Variants in SIK3 observed in about 807,000 individuals in gnomAD.
SIK3 encodes the protein serine/threonine-protein kinase SIK3.
A neutral mutation model predicts 144.2 loss-of-function variants in SIK3; 28 were observed. The observed-to-expected ratio is 0.19, with a 90% confidence interval of 0.14 to 0.27. The LOEUF (loss-of-function observed/expected upper bound fraction) is 0.27, where lower values mean the gene tolerates loss of function less well. Ranked by LOEUF, SIK3 falls within the 10% of genes least tolerant of loss-of-function variation. SIK3 has a pLI of 1.00. For synonymous variants in SIK3, 686 were observed against 676.3 expected (o/e 1.01, Z -0.22); for missense variants, 1,319 against 1,776.0 (o/e 0.74, Z 4.62).
At chr11:117,007,725 T>G (rs1329522458) in intron 1 of SIK3, among the ~76,000 whole-genome samples, 1 of 152,230 alleles carries the variant, frequency 6.6e-6, no homozygotes, top group Admixed American at 6.5e-5. Context: ...TGACATTAGA[T>G]GAACTGTAAG....
chr11:116,967,051 T>C (rs1949582437), intron 1 of SIK3, among the ~76,000 whole-genome samples: 1 of 148,800 alleles, frequency 6.7e-6, no homozygotes, highest in Non-Finnish European at 1.5e-5. Flanking sequence ...AAAAAGAAAC[T>C]TTAGTCCCAG....
chr11:117,047,324 T>TTC, intron 1 of SIK3, among the ~76,000 whole-genome samples: 1 of 152,292 alleles, frequency 6.6e-6, no homozygotes, highest in Non-Finnish European at 1.5e-5. Context: ...ATCCCTTTGT[T>TTC]AGAATCCTGG....
intron 7 of SIK3, 61 bp downstream of exon 7, chr11:116,876,863 A>G: frequency 7.3e-7 from 1 of 1,366,448 alleles, no homozygotes; most frequent in East Asian, 2.3e-5. Context: ...TTACAATCAC[A>G]TGCAAAGGAG....
chr11:116,898,410 T>C (rs1854070138), intron 4 of SIK3, among the ~76,000 whole-genome samples: 1 of 151,850 alleles, frequency 6.6e-6, no homozygotes, highest in Non-Finnish European at 1.5e-5. Context: ...GTCTTTGCTA[T>C]TGTGAATAGT....
intron 1 of SIK3, among the ~76,000 whole-genome samples, chr11:117,020,265 A>G (rs1328111072): frequency 6.6e-6 from 1 of 151,244 alleles, no homozygotes; most frequent in Non-Finnish European, 1.5e-5. Flanking sequence ...ATATATCTCC[A>G]TGGTTCCTGG....
At chr11:116,866,032 T>G (rs1210141177) in intron 15 of SIK3, among the ~76,000 whole-genome samples, 1 of 152,154 alleles carries the variant, frequency 6.6e-6, no homozygotes, top group East Asian at 1.9e-4. Context: ...AGCAGATAGA[T>G]TTCCAGCAGG....
chr11:116,974,122 G>A (rs1359539873), intron 1 of SIK3, among the ~76,000 whole-genome samples: 1 of 152,214 alleles, frequency 6.6e-6, no homozygotes, highest in East Asian at 1.9e-4. Flanking sequence ...TGGGACCTCT[G>A]TACTGTATCT....
intron 1 of SIK3, among the ~76,000 whole-genome samples, chr11:117,071,928 G>GTTTA (rs1954299998): frequency 6.6e-6 from 1 of 150,974 alleles, no homozygotes; most frequent in East Asian, 1.9e-4. Context: ...CAAGAGTTGT[G>GTTTA]TTTGTTTGTT....
At chr11:117,055,797 T>C (rs1342793884) in intron 1 of SIK3, among the ~76,000 whole-genome samples, 1 of 152,206 alleles carries the variant, frequency 6.6e-6, no homozygotes, top group Admixed American at 6.5e-5. Flanking sequence ...ATGAATGCAA[T>C]TAGGTGCCCT....
chr11:116,964,316 G>A (rs2135431377), intron 1 of SIK3, among the ~76,000 whole-genome samples: 1 of 152,220 alleles, frequency 6.6e-6, no homozygotes, highest in Non-Finnish European at 1.5e-5. Context: ...TTTTTTAATT[G>A]AAGTCTATAT....
intron 1 of SIK3, among the ~76,000 whole-genome samples, chr11:116,990,605 C>T (rs1050867813): frequency 6.6e-5 from 10 of 152,170 alleles, no homozygotes; most frequent in Non-Finnish European, 1.3e-4. Context: ...TTCCCAGACA[C>T]AAGTATCTCC....
chr11:116,964,000 G>A (rs976572408), intron 1 of SIK3, among the ~76,000 whole-genome samples: 1 of 152,118 alleles, frequency 6.6e-6, no homozygotes, highest in African/African-American at 2.4e-5. Flanking sequence ...CCAAGGTCAG[G>A]ATGTAGGCTG....
intron 3 of SIK3, among the ~76,000 whole-genome samples, chr11:116,947,190 TTATATACAAATTATTATTTATATAC>T (rs1948671636): frequency 3.8e-4 from 47 of 124,692 alleles, no homozygotes; most frequent in African/African-American, 9.1e-4. Flanking sequence ...ATATAATATA[TTATATACAAATTATTATTTATATAC>T]AATATATAAT....
chr11:117,031,777 AG>A (rs1042127622), intron 1 of SIK3, among the ~76,000 whole-genome samples: 10 of 142,786 alleles, frequency 7.0e-5, no homozygotes, highest in Non-Finnish European at 1.3e-4. Context: ...GCCTGACCTC[AG>A]GTGATCCACC....
At chr11:116,923,249 C>G (rs1288744352) in intron 4 of SIK3, among the ~76,000 whole-genome samples, 1 of 152,160 alleles carries the variant, frequency 6.6e-6, no homozygotes, top group African/African-American at 2.4e-5. Flanking sequence ...CCAAAAAACC[C>G]TTTTTCTCTC....
Position 116,862,055 on chromosome 11 carries a change from A to T in SIK3, c.2230-129T>A. On this transcript the variant is annotated intron_variant, in intron 17 of 24. Coordinates refer to ENST00000445177, the MANE Select transcript of SIK3 (RefSeq NM_001366686.3). ...ATTTATGCTTTTGTTGTTCACCAGA[A>T]GGTCTGATTACCTTTACTCAAACAT... is the stretch of plus-strand genomic sequence containing the variant. 3.8e-6 allele frequency: 5 copies of T among 1,301,178 alleles called. No individual in the cohort carries two copies. In the South Asian group the frequency reaches 3.9e-5, roughly 10 times the overall value. The allele number at this position is 1,301,178 out of a possible 1,614,324, so 80.6% of individuals were successfully genotyped here.
At chr11:117,050,927 T>C (rs1953209246) in intron 1 of SIK3, among the ~76,000 whole-genome samples, 1 of 152,042 alleles carries the variant, frequency 6.6e-6, no homozygotes, top group African/African-American at 2.4e-5. Context: ...AAGAGTCCTG[T>C]GATGGTTAAT....
Position 116,844,657 on chromosome 11 carries a change from A to AT in SIK3, c.*985_*986insA, listed in dbSNP as rs1565345914. On this transcript the variant is annotated 3_prime_UTR_variant, in exon 25 of 25. Coordinates refer to ENST00000445177, the MANE Select transcript of SIK3 (RefSeq NM_001366686.3). ...ATATTATATTATATATTATATATAT[A>AT]ATATATATATACACATATATTATAT... 3.9e-5 allele frequency: 4 copies of AT among 103,568 alleles called. No homozygotes were observed. The highest frequency in any genetic ancestry group is 1.0e-4 in the Admixed American group (1 of 9,930). The allele number at this position is 103,568 out of a possible 1,614,324, so 6.4% of individuals were successfully genotyped here.
intron 1 of SIK3, among the ~76,000 whole-genome samples, chr11:117,016,325 A>G (rs1220282709): frequency 8.1e-6 from 1 of 123,768 alleles, no homozygotes; most frequent in African/African-American, 3.7e-5. Flanking sequence ...GACTCTGCGA[A>G]AAAAAAAGGA....
Sources: gnomAD v4.1 joint callset for allele counts (sites outside exome capture counted in the v4.1 genomes callset) on GRCh38, gnomAD v4.1.1 for gene constraint, MANE v1.5 for transcripts, NCBI Gene and HGNC (gene_info 2026-07-23, HGNC 2026-07-21) for gene names.